FAM131A: variants seen among roughly 807,000 people sequenced by gnomAD.
FAM131A encodes the protein family with sequence similarity 131 member A, also known as protein FAM131A.
FAM131A carries 24 observed loss-of-function variants against 39.2 expected under a neutral mutation model. The ratio of observed to expected loss-of-function variants is 0.61; its 90% CI spans 0.44 to 0.86. The LOEUF is 0.86. Among genes scored for constraint, FAM131A ranks in the 40% least tolerant of loss-of-function variants. FAM131A has a pLI of 0.00. For synonymous variants in FAM131A, 202 were observed against 206.8 expected (o/e 0.98, Z 0.20); for missense variants, 373 against 481.2 (o/e 0.78, Z 2.10).
rs1343889523 is a variant in FAM131A, at chr3:184,341,811, C to A, written c.319C>A (p.Leu107Met). ...GATCGCTGCGCTGGCCAGGTCCTCC[C>A]TGCATGGTATGCAGCCCCTCCCATG... ...QEIAALARSSLHGISQVVKDH... is the reference protein window; with the variant it reads ...QEIAALARSSMHGISQVVKDH... Residue 107 changes from leucine to methionine, a missense_variant, in exon 3 of 6, where the codon CTG becomes ATG. By Grantham distance (15) the Leu-to-Met change is conservative. Around this residue, in one of 2 missense-constraint regions of FAM131A, gnomAD observed 221 missense variants for 347.7 expected, o/e 0.64. Transcript: ENST00000383847. 6.2e-7 allele frequency: 1 copy of A among 1,614,220 alleles called. No individual in the cohort carries two copies. The highest frequency in any genetic ancestry group is 1.1e-5 in the South Asian group (1 of 91,086).
At position 184,345,782 on chromosome 3, in the gene FAM131A, G is replaced by A. The variant is rs983365628; in HGVS notation, c.*812G>A. The A allele has an allele frequency of 1.9e-5, 11 of 581,738 alleles. No individual in the cohort carries two copies. Among genetic ancestry groups the A allele is most frequent in the African/African-American group, 1.3e-4 (7 of 52,542 alleles). 36.0% of individuals were successfully genotyped at this position (581,738 alleles called of 1,614,324 possible). A position where few individuals can be genotyped will look rare whatever the true frequency, so the allele number is the denominator to read the frequency against. ...AGAGCTCTCTGAGCGGGAGGTGGAA[G>A]AAAGGATGGCTCTGGTTGCCACAGA... is the stretch of plus-strand genomic sequence containing the variant. On this transcript the variant is annotated 3_prime_UTR_variant, in exon 6 of 6. Transcript: ENST00000383847.
intron 2 of FAM131A, chr3:184,341,135 AGGTCTT>A: frequency 6.3e-6 from 1 of 158,886 alleles, no homozygotes; most frequent in South Asian, 1.9e-4. Context: ...TGGAATCATT[AGGTCTT>A]ATCAACAGAT....
upstream of FAM131A, chr3:184,337,482 G>C (rs991623378): frequency 1.4e-6 from 1 of 694,842 alleles, no homozygotes; most frequent in Non-Finnish European, 2.4e-6. Flanking sequence ...TCAGAGCCAT[G>C]AGGCAGGAAT....
chr3:184,341,655 G>A (rs573329942), intron 2 of FAM131A, 69 bp from the exon 3 acceptor site: 24 of 1,335,210 alleles, frequency 1.8e-5, no homozygotes, highest in Non-Finnish European at 2.3e-5. Context: ...CCTTTGCTGG[G>A]TATGGGCATG....
chr3:184,338,623 TC>T, intron 2 of FAM131A, 94 bp downstream of exon 2: 2 of 1,476,848 alleles, frequency 1.4e-6, no homozygotes, highest in Non-Finnish European at 1.8e-6. Flanking sequence ...AGCTTCTGGC[TC>T]CCTTTTCCGG....
chr3:184,337,413 A>G (rs1727168519), upstream of FAM131A: 8 of 572,644 alleles, frequency 1.4e-5, 1 homozygote, highest in East Asian at 2.0e-4. Context: ...TGTCTAGGGA[A>G]TGGGCCTCAG....
rs1176606642 is a variant in FAM131A at position 184,345,532 on chromosome 3, C to G, written c.*562C>G. The stretch of plus-strand genomic sequence containing the variant: ...GGCTCGTGCTGTGCTTCATTCACCT[C>G]TCCATCGTCTCTAAATCTTCCTCTT... On this transcript the variant is annotated 3_prime_UTR_variant, in exon 6 of 6. Transcript: ENST00000383847. 2 of 703,050 alleles carry G rather than the reference C, an allele frequency of 2.8e-6. No individual in the cohort carries two copies. The highest frequency in any genetic ancestry group is 5.2e-6 in the Non-Finnish European group (2 of 385,042). The allele number at this position is 703,050 out of a possible 1,614,324, so 43.6% of individuals were successfully genotyped here.
chr3:184,336,569 A>G (rs1727113588), upstream of FAM131A, among the ~76,000 whole-genome samples: 1 of 152,212 alleles, frequency 6.6e-6, no homozygotes, highest in Admixed American at 6.5e-5. This position sits in a 1 kb window ranked among gnomAD's most constrained non-coding sequence, Gnocchi z 5.5. Flanking sequence ...CCGTGTCCCC[A>G]TCTTCTTAAA....
Position 184,342,129 on chromosome 3 carries a change from C to T in FAM131A, c.389C>T (p.Ala130Val). The T allele has an allele frequency of 6.2e-7, 1 of 1,614,232 alleles. No individual in the cohort carries two copies. The highest frequency in any genetic ancestry group is 8.5e-7 in the Non-Finnish European group (1 of 1,180,042). Residue 130 changes from alanine to valine, a missense_variant, in exon 4 of 6, where the codon GCT (alanine) becomes GTT (valine). By Grantham distance (64) the Ala-to-Val change is moderately conservative (BLOSUM62 0). Around this residue, in one of 2 missense-constraint regions of FAM131A, gnomAD observed 221 missense variants for 347.7 expected, o/e 0.64. Coordinates refer to ENST00000383847, the MANE Select transcript of FAM131A (RefSeq NM_144635.5). The surrounding 1 kb of genome is among the most constrained non-coding windows in gnomAD (Gnocchi z 4.6). ...KPTAMAQGRV[A>V]HLIEWKGWSK... Reference sequence around the variant, plus strand: ...ACCGCCATGGCCCAGGGCCGAGTGGCTCACCTCATTGAGTGGAAGGGCTGG... The same window carrying T: ...ACCGCCATGGCCCAGGGCCGAGTGGTTCACCTCATTGAGTGGAAGGGCTGG...
rs1727450323 is a variant in FAM131A, at chr3:184,342,923, G to A, written c.625+63G>A. On this transcript the variant is annotated intron_variant, in intron 5 of 5. Coordinates refer to ENST00000383847, the MANE Select transcript of FAM131A (RefSeq NM_144635.5). The surrounding 1 kb of genome is among the most constrained non-coding windows in gnomAD (Gnocchi z 4.6). ...CCTGATAGACCTTGGCATTCTTTCA[G>A]AGCCACATCCAGAACACTCTCAGCC... 4 of 1,406,230 alleles carry A rather than the reference G, an allele frequency of 2.8e-6. No individual in the cohort carries two copies. The African/African-American group carries it at 4.2e-5, about 15-fold the overall frequency. 87.1% of individuals were successfully genotyped at this position (1,406,230 alleles called of 1,614,324 possible).
intron 2 of FAM131A, 29 bp from the exon 3 acceptor site, chr3:184,341,695 G>A (rs1727387711): frequency 1.3e-6 from 2 of 1,587,720 alleles, no homozygotes; most frequent in Non-Finnish European, 1.7e-6. Context: ...TGTCAGAGGG[G>A]CACTGACTTT....
rs1435357740 is a variant in FAM131A at position 184,345,604 on chromosome 3, T to G, written c.*634T>G. On this transcript the variant is annotated 3_prime_UTR_variant, in exon 6 of 6. Coordinates refer to ENST00000383847, the MANE Select transcript of FAM131A (RefSeq NM_144635.5). ...TTTGGTCTGTTTTTTCAGTCGGATC[T>G]TCTCTTCTCTGGGAGGCTTTGGAAT... 11 of 702,782 alleles carry G rather than the reference T, an allele frequency of 1.6e-5. No homozygotes were observed. The Admixed American group carries it at 2.2e-4, about 14-fold the overall frequency. 43.5% of individuals were successfully genotyped at this position (702,782 alleles called of 1,614,324 possible).
rs1391973560 is a variant in FAM131A at position 184,344,526 on chromosome 3, C to T, written c.657C>T (p.His219=). 3.2e-6 allele frequency: 5 copies of T among 1,547,576 alleles called. No individual in the cohort carries two copies. Among genetic ancestry groups the T allele is most frequent in the African/African-American group, 1.4e-5 (1 of 72,902 alleles). The change falls in exon 6 of 6, where the codon CAC becomes CAT. Residue 219 remains histidine (H), a synonymous_variant. Transcript: ENST00000383847. ...DMAGQLPLGP[H]LQDLFTGHRF... is the part of the protein sequence containing the mutation. ...CTGGGCAGCTGCCCCTGGGGCCGCACCTCCAGGACCTGTTCACCGGCCACC... is the reference window on the plus strand; with the variant it reads ...CTGGGCAGCTGCCCCTGGGGCCGCATCTCCAGGACCTGTTCACCGGCCACC...
chr3:184,338,241 T>C, intron 1 of FAM131A, 146 bp from the exon 2 acceptor site: 1 of 824,070 alleles, frequency 1.2e-6, no homozygotes, highest in South Asian at 2.8e-5. Flanking sequence ...GGATGGGGGC[T>C]TTTAGAGTTG....
At chr3:184,341,886 C>T in intron 3 of FAM131A, 69 bp downstream of exon 3, 1 of 1,564,328 alleles carries the variant, frequency 6.4e-7, no homozygotes, top group Non-Finnish European at 8.8e-7. Context: ...CCCTTTGGAA[C>T]TGTTTCCTGT....
rs896084243 is a variant in FAM131A at position 184,345,735 on chromosome 3, C to T, written c.*765C>T. 1.3e-5 allele frequency: 8 copies of T among 596,920 alleles called. No individual in the cohort carries two copies. In the Admixed American group the frequency reaches 1.8e-4, roughly 14 times the overall value. 37.0% of individuals were successfully genotyped at this position (596,920 alleles called of 1,614,324 possible). A position where few individuals can be genotyped will look rare whatever the true frequency, so the allele number is the denominator to read the frequency against. ...GGGCAGTGTGCTGGCGCCTCACAGCCAGCCGGGCTGCCCATTCACGCAGAG... is the reference window on the plus strand; with the variant it reads ...GGGCAGTGTGCTGGCGCCTCACAGCTAGCCGGGCTGCCCATTCACGCAGAG... On this transcript the variant is annotated 3_prime_UTR_variant, in exon 6 of 6. Transcript: ENST00000383847.
intron 5 of FAM131A, 192 bp downstream of exon 5, chr3:184,343,052 A>G (rs1248212426): frequency 5.4e-6 from 2 of 373,310 alleles, no homozygotes; most frequent in Non-Finnish European, 9.8e-6. Flanking sequence ...GCAGACAGAA[A>G]TGGATTCGTT....
In FAM131A at chr3:184,342,704, A is replaced by G. The variant is rs1248232723; in HGVS notation, c.509-40A>G. ...TGTCTTCAAGCTGAGCCCTAGACTT[A>G]GCTCACCTTCTCTGCTTATGCATTC... On this transcript the variant is annotated intron_variant, in intron 4 of 5. Coordinates refer to ENST00000383847, the MANE Select transcript of FAM131A (RefSeq NM_144635.5). The surrounding 1 kb of genome is among the most constrained non-coding windows in gnomAD (Gnocchi z 4.6). 6.4e-7 allele frequency: 1 copy of G among 1,559,080 alleles called. No individual in the cohort carries two copies. The highest frequency in any genetic ancestry group is 8.8e-7 in the Non-Finnish European group (1 of 1,133,198).
At chr3:184,336,491 C>T (rs561528156), upstream of FAM131A, among the ~76,000 whole-genome samples, 726 of 152,280 alleles carry the variant, frequency 4.8e-3, 2 homozygotes, top group African/African-American at 0.017. The surrounding 1 kb of genome is among the most constrained non-coding windows in gnomAD (Gnocchi z 5.5). Context: ...ACACACACTC[C>T]CCTCCGCCTA....
Sources: allele counts gnomAD v4.1 joint callset (sites outside exome capture counted in the v4.1 genomes callset), GRCh38; gene constraint gnomAD v4.1.1; regional missense constraint gnomAD v4.1.1; non-coding constraint Gnocchi (gnomAD v3.1); transcripts MANE v1.5; gene names NCBI Gene and HGNC (gene_info 2026-07-23, HGNC 2026-07-21).